CCDC152: variants seen among roughly 807,000 people sequenced by gnomAD.
CCDC152 encodes the protein coiled-coil domain containing 152, also known as coiled-coil domain-containing protein 152.
A neutral mutation model predicts 38.1 loss-of-function variants in CCDC152; 37 were observed. That is an observed-to-expected ratio of 0.97 (90% CI 0.75 to 1.28). The LOEUF (loss-of-function observed/expected upper bound fraction) is 1.28, where lower values mean the gene tolerates loss of function less well. Among genes scored for constraint, CCDC152 ranks in the 50% most tolerant of loss-of-function variants. CCDC152 has a pLI of 0.00. For synonymous variants in CCDC152, 83 were observed against 87.1 expected (o/e 0.95, Z 0.26); for missense variants, 259 against 292.1 (o/e 0.89, Z 0.83).
chr5:42,797,751 G>T (rs945788846), intron 7 of CCDC152, among the ~76,000 whole-genome samples: 9 of 151,884 alleles, frequency 5.9e-5, no homozygotes, highest in African/African-American at 2.2e-4. Flanking sequence ...CTTTCTGGAA[G>T]AATATATATC....
intron 4 of CCDC152, 141 bp from the exon 5 acceptor site, chr5:42,779,317 T>C (rs1759811019): frequency 1.6e-6 from 1 of 624,818 alleles, no homozygotes; most frequent in African/African-American, 1.9e-5. Context: ...TCTCAGTGTC[T>C]AGCATGGTGC....
chr5:42,777,355 CG>C (rs1163663622), intron 4 of CCDC152, among the ~76,000 whole-genome samples: 1 of 151,630 alleles, frequency 6.6e-6, no homozygotes, highest in Admixed American at 6.6e-5. Context: ...CCCAGCTACT[CG>C]GGGGCCGAGG....
chr5:42,791,437 T>C (rs1759998539), intron 6 of CCDC152, among the ~76,000 whole-genome samples: 1 of 152,220 alleles, frequency 6.6e-6, no homozygotes, highest in Non-Finnish European at 1.5e-5. Context: ...CAACCCTGGC[T>C]TGCAAAGGAG....
At chr5:42,798,263 C>T (rs918847034) in intron 7 of CCDC152, among the ~76,000 whole-genome samples, 6 of 152,222 alleles carry the variant, frequency 3.9e-5, no homozygotes, top group African/African-American at 1.4e-4. Flanking sequence ...ATCTACCCTT[C>T]CATCATTCTT....
chr5:42,767,419 T>C (rs1490201614), intron 3 of CCDC152, among the ~76,000 whole-genome samples: 1 of 152,178 alleles, frequency 6.6e-6, no homozygotes, highest in African/African-American at 2.4e-5. Context: ...ATATTTTTGG[T>C]TAATCTTAGA....
At chr5:42,777,419 G>A (rs1017534548) in intron 4 of CCDC152, among the ~76,000 whole-genome samples, 7 of 150,430 alleles carry the variant, frequency 4.7e-5, no homozygotes, top group South Asian at 2.1e-4. Flanking sequence ...CTAAGATCGC[G>A]CCATCGCACT....
chr5:42,771,006 A>C (rs765250897), intron 4 of CCDC152, among the ~76,000 whole-genome samples: 3 of 152,248 alleles, frequency 2.0e-5, no homozygotes, highest in Non-Finnish European at 4.4e-5. Context: ...TCTGTTTATT[A>C]GTTCTAATAG....
chr5:42,787,798 A>G (rs1019505993), intron 6 of CCDC152, among the ~76,000 whole-genome samples: 1 of 152,062 alleles, frequency 6.6e-6, no homozygotes, highest in Non-Finnish European at 1.5e-5. Context: ...TTCTATTTGC[A>G]TGGTAGATCT....
chr5:42,785,120 C>T (rs147915078), intron 6 of CCDC152, among the ~76,000 whole-genome samples: 16 of 152,046 alleles, frequency 1.1e-4, no homozygotes, highest in African/African-American at 2.9e-4. Flanking sequence ...TTTAAAGCTG[C>T]TTTTTCTAAT....
chr5:42,800,819 T>C lies in CCDC152; in HGVS notation c.*1038T>C, dbSNP rs752732056. 3 of 1,614,250 alleles carry C rather than the reference T, an allele frequency of 1.9e-6. No individual in the cohort carries two copies. The highest frequency in any genetic ancestry group is 2.5e-6 in the Non-Finnish European group (3 of 1,180,048). Reference sequence around the variant, plus strand: ...GCTGCTGACTTATTTGTCAGGCAGCTGGAGGCAAACGTCACTGACAAGATT... The same window carrying C: ...GCTGCTGACTTATTTGTCAGGCAGCCGGAGGCAAACGTCACTGACAAGATT... On this transcript the variant is annotated 3_prime_UTR_variant, in exon 9 of 9. Transcript: ENST00000361970.
intron 4 of CCDC152, among the ~76,000 whole-genome samples, chr5:42,772,860 G>A (rs1159119296): frequency 6.6e-6 from 1 of 152,124 alleles, no homozygotes; most frequent in Non-Finnish European, 1.5e-5. Context: ...CTACCCAGTG[G>A]TTTCCTTTCC....
intron 6 of CCDC152, among the ~76,000 whole-genome samples, chr5:42,793,983 A>T (rs1410932586): frequency 1.3e-5 from 2 of 152,220 alleles, no homozygotes; most frequent in Non-Finnish European, 2.9e-5. Flanking sequence ...CTAAAAACAC[A>T]GTAGGTAAAA....
intron 6 of CCDC152, among the ~76,000 whole-genome samples, chr5:42,786,107 C>G (rs1270294635): frequency 6.6e-6 from 1 of 152,006 alleles, no homozygotes; most frequent in Non-Finnish European, 1.5e-5. Flanking sequence ...ATTTTGGTAT[C>G]AGCATGATAC....
chr5:42,785,305 T>C (rs555810947), intron 6 of CCDC152, among the ~76,000 whole-genome samples: 2 of 152,042 alleles, frequency 1.3e-5, no homozygotes, highest in Non-Finnish European at 2.9e-5. Flanking sequence ...CTTGTAGAGG[T>C]TTTTCATCTT....
In CCDC152 at chr5:42,799,913, C is replaced by A; in HGVS notation, c.*132C>A. 1.0e-6 allele frequency: 1 copy of A among 974,402 alleles called. No individual in the cohort carries two copies. The allele number at this position is 974,402 out of a possible 1,614,324, so 60.4% of individuals were successfully genotyped here. A position where few individuals can be genotyped will look rare whatever the true frequency, so the allele number is the denominator to read the frequency against. On this transcript the variant is annotated 3_prime_UTR_variant, in exon 9 of 9. Transcript: ENST00000361970. Reference sequence around the variant, plus strand: ...AAGGTTTTTATTGAATTTATTTGGACAAATCCGTACTGTATCCAATTCTGT... The same window carrying A: ...AAGGTTTTTATTGAATTTATTTGGAAAAATCCGTACTGTATCCAATTCTGT...
At chr5:42,769,707 A>G in intron 4 of CCDC152, 42 bp downstream of exon 4, 1 of 1,451,464 alleles carries the variant, frequency 6.9e-7, no homozygotes, top group Admixed American at 3.0e-5. Context: ...AGCATTGTGT[A>G]TTTGAGCACC....
intron 4 of CCDC152, among the ~76,000 whole-genome samples, chr5:42,775,216 G>A (rs1759755955): frequency 6.6e-6 from 1 of 152,000 alleles, no homozygotes; most frequent in Admixed American, 6.6e-5. Flanking sequence ...CACAGATCCA[G>A]GAAGCTCAGT....
In CCDC152 at chr5:42,799,791, T is replaced by C. The variant is rs1760138492; in HGVS notation, c.*10T>C. On this transcript the variant is annotated 3_prime_UTR_variant, in exon 9 of 9. Coordinates refer to ENST00000361970, the MANE Select transcript of CCDC152 (RefSeq NM_001134848.2). ...GCGTAGACGGTTTTGAGCTTAGCAGTAAATTCATTAGTTGGTATTTATTTA... is the reference window on the plus strand; with the variant it reads ...GCGTAGACGGTTTTGAGCTTAGCAGCAAATTCATTAGTTGGTATTTATTTA... 6.5e-7 allele frequency: 1 copy of C among 1,547,418 alleles called. No homozygotes were observed.
chr5:42,779,523 G>A lies in CCDC152; in HGVS notation c.327+1G>A, dbSNP rs1258209128. The A allele has an allele frequency of 1.4e-6, 2 of 1,465,454 alleles. No homozygotes were observed. Among genetic ancestry groups the A allele is most frequent in the Non-Finnish European group, 1.9e-6 (2 of 1,069,488 alleles). The allele number at this position is 1,465,454 out of a possible 1,614,324, so 90.8% of individuals were successfully genotyped here. A position where few individuals can be genotyped will look rare whatever the true frequency, so the allele number is the denominator to read the frequency against. ...AGAGAAGTTAAAGTCTCATGAACAG[G>A]TGAGTTTATGTATCATTCTATTCAG... On this transcript the variant is annotated splice_donor_variant, in intron 5 of 8. Transcript: ENST00000361970. LOFTEE classifies it high-confidence loss of function.
Sources: allele counts gnomAD v4.1 joint callset (sites outside exome capture counted in the v4.1 genomes callset), GRCh38; gene constraint gnomAD v4.1.1; transcripts MANE v1.5; gene names NCBI Gene and HGNC (gene_info 2026-07-23, HGNC 2026-07-21).